Variants in GRM8 observed in about 807,000 individuals in gnomAD.
GRM8 encodes the protein metabotropic glutamate receptor 8.
In GRM8, 47 loss-of-function variants were observed where a neutral mutation model predicts 87.2. The observed-to-expected ratio is 0.54, with a 90% CI of 0.43 to 0.69. The LOEUF is 0.69. Among genes scored for constraint, GRM8 ranks in the 30% least tolerant of loss-of-function variants. The pLI is 0.00. For synonymous variants in GRM8, 396 were observed against 404.5 expected (o/e 0.98, Z 0.25); for missense variants, 1,019 against 1,139.2 (o/e 0.89, Z 1.52).
chr7:126,822,630 C>T (rs1384978707), intron 6 of GRM8, among the ~76,000 whole-genome samples: 4 of 151,958 alleles, frequency 2.6e-5, no homozygotes, highest in Non-Finnish European at 5.9e-5. Flanking sequence ...TATTCACAGG[C>T]ATGGTCATAG....
At chr7:126,522,741 T>C (rs1813191907) in intron 9 of GRM8, among the ~76,000 whole-genome samples, 1 of 152,174 alleles carries the variant, frequency 6.6e-6, no homozygotes, top group Non-Finnish European at 1.5e-5. Context: ...CCTTTCCCTC[T>C]TTTAGGCCTT....
intron 7 of GRM8, among the ~76,000 whole-genome samples, chr7:126,687,586 G>A (rs1477246655): frequency 6.6e-6 from 1 of 151,062 alleles, no homozygotes; most frequent in Non-Finnish European, 1.5e-5. Flanking sequence ...GTAAATGGAT[G>A]TGTATTTCCA....
intron 3 of GRM8, among the ~76,000 whole-genome samples, chr7:127,002,326 A>G (rs989019898): frequency 6.6e-6 from 1 of 151,674 alleles, no homozygotes; most frequent in Admixed American, 6.6e-5. Context: ...AGTAAGCTGG[A>G]ATGTGGGTAT....
At chr7:127,244,388 G>C (rs905138215) in intron 1 of GRM8, among the ~76,000 whole-genome samples, 2 of 152,160 alleles carry the variant, frequency 1.3e-5, no homozygotes, top group Admixed American at 1.3e-4. Context: ...AGTGAAAAAG[G>C]CTACACGCAA....
chr7:126,904,454 C>A, intron 4 of GRM8, 94 bp downstream of exon 4: 1 of 1,209,764 alleles, frequency 8.3e-7, no homozygotes, highest in Non-Finnish European at 1.2e-6. Flanking sequence ...TATTGGAAGG[C>A]AATTACAAGC....
chr7:126,764,327 G>GT (rs377178208), intron 7 of GRM8, among the ~76,000 whole-genome samples: 2 of 151,814 alleles, frequency 1.3e-5, no homozygotes, highest in South Asian at 2.1e-4. Flanking sequence ...TCGATTTCTA[G>GT]TTTTTTTGTT....
chr7:126,990,841 C>T (rs1292353540), intron 3 of GRM8, among the ~76,000 whole-genome samples: 1 of 152,176 alleles, frequency 6.6e-6, no homozygotes, highest in East Asian at 1.9e-4. Context: ...CATTTTAATA[C>T]TAAACACAAT....
chr7:127,187,157 A>G (rs919404222), intron 2 of GRM8, among the ~76,000 whole-genome samples: 2 of 152,150 alleles, frequency 1.3e-5, no homozygotes, highest in Non-Finnish European at 2.9e-5. Context: ...AGAATACACA[A>G]TAAGAACATA....
intron 3 of GRM8, among the ~76,000 whole-genome samples, chr7:126,933,364 G>T (rs1303121283): frequency 2.6e-5 from 4 of 152,238 alleles, no homozygotes; most frequent in Admixed American, 1.3e-4. Flanking sequence ...AGGATTGGAT[G>T]AATGTTATCT....
intron 9 of GRM8, among the ~76,000 whole-genome samples, chr7:126,531,830 T>C (rs181224020): frequency 6.6e-6 from 1 of 152,308 alleles, no homozygotes; most frequent in Admixed American, 6.5e-5. Flanking sequence ...TTCTGTGAAT[T>C]TGCTGGGATT....
chr7:126,906,835 A>G (rs566759008), intron 3 of GRM8, among the ~76,000 whole-genome samples: 1 of 152,262 alleles, frequency 6.6e-6, no homozygotes, highest in African/African-American at 2.4e-5. Flanking sequence ...TAATACACAG[A>G]TTGGGCTGTG....
chr7:126,494,654 C>T (rs148838584), intron 9 of GRM8, among the ~76,000 whole-genome samples: 120 of 152,102 alleles, frequency 7.9e-4, no homozygotes, highest in African/African-American at 2.8e-3. Context: ...TTTCTGCATA[C>T]ATTACACACA....
At chr7:127,144,954 T>A (rs2133286459) in intron 2 of GRM8, among the ~76,000 whole-genome samples, 1 of 152,272 alleles carries the variant, frequency 6.6e-6, no homozygotes, top group Admixed American at 6.5e-5. Flanking sequence ...TATGCTCTTA[T>A]GTTTCTTTAA....
intron 6 of GRM8, among the ~76,000 whole-genome samples, chr7:126,775,934 A>G (rs1187853770): frequency 6.6e-6 from 1 of 152,086 alleles, no homozygotes; most frequent in Non-Finnish European, 1.5e-5. Context: ...TGAATATTAC[A>G]TAAGATCTCC....
chr7:127,036,719 C>G (rs144782812), intron 3 of GRM8, among the ~76,000 whole-genome samples: 1 of 152,138 alleles, frequency 6.6e-6, no homozygotes, highest in Non-Finnish European at 1.5e-5. Flanking sequence ...CTGCTTGTTA[C>G]GCCGCACAGA....
intron 3 of GRM8, among the ~76,000 whole-genome samples, chr7:126,971,039 T>C (rs1251410916): frequency 6.6e-6 from 1 of 151,738 alleles, no homozygotes; most frequent in Non-Finnish European, 1.5e-5. Context: ...TAAAAATAAT[T>C]TGAAATATCG....
chr7:127,108,800 A>T (rs1221350441), intron 2 of GRM8, among the ~76,000 whole-genome samples: 1 of 152,204 alleles, frequency 6.6e-6, no homozygotes, highest in Non-Finnish European at 1.5e-5. Flanking sequence ...TGTTTGATTA[A>T]TTCAGTAATG....
At chr7:126,712,670 G>A (rs1479995008) in intron 7 of GRM8, among the ~76,000 whole-genome samples, 2 of 152,100 alleles carry the variant, frequency 1.3e-5, no homozygotes, top group Admixed American at 1.3e-4. Context: ...GCAACCTACA[G>A]AATGGGAGAA....
Position 126,488,651 on chromosome 7 carries a change from A to G in GRM8, c.2431-42279T>C, listed in dbSNP as rs77282746. On this transcript the variant is annotated intron_variant, in intron 9 of 10. Coordinates refer to ENST00000339582, the MANE Select transcript of GRM8 (RefSeq NM_000845.3). Reference sequence around the variant, plus strand: ...CCAGTCCAATTCATCGCCATTCCAGATCTCTGAACTATTTTCTATACTATT... The same window carrying G: ...CCAGTCCAATTCATCGCCATTCCAGGTCTCTGAACTATTTTCTATACTATT... 9.1e-3 allele frequency among the ~76,000 whole-genome samples: 1,381 copies of G among 152,018 alleles called. 23 individuals are homozygous for G. Among genetic ancestry groups the G allele is most frequent in the African/African-American group, 0.032 (1,327 of 41,520 alleles).
Sources: allele counts gnomAD v4.1 joint callset (sites outside exome capture counted in the v4.1 genomes callset), GRCh38; gene constraint gnomAD v4.1.1; transcripts MANE v1.5; gene names NCBI Gene and HGNC (gene_info 2026-07-23, HGNC 2026-07-21).